The following DENND2C variants were observed in gnomAD, a reference collection of about 807,000 sequenced individuals.
DENND2C encodes the protein DENN domain-containing protein 2C.
A neutral mutation model predicts 112.4 loss-of-function variants in DENND2C; 72 were observed. That is an observed-to-expected ratio of 0.64 (90% CI 0.53 to 0.78). The LOEUF (loss-of-function observed/expected upper bound fraction) is 0.78. Among genes scored for constraint, DENND2C ranks in the 30% least tolerant of loss-of-function variants. The pLI is 0.00. For synonymous variants in DENND2C, 329 were observed against 381.6 expected (o/e 0.86, Z 1.61); for missense variants, 992 against 1,113.8 (o/e 0.89, Z 1.56).
intron 2 of DENND2C, among the ~76,000 whole-genome samples, chr1:114,646,128 C>T (rs1217730795): frequency 2.6e-5 from 4 of 152,010 alleles, no homozygotes; most frequent in African/African-American, 9.7e-5. Context: ...GGGGTTTCAC[C>T]ATGTTAGCCA....
chr1:114,646,431 C>T (rs547903274), intron 2 of DENND2C, among the ~76,000 whole-genome samples: 9 of 152,138 alleles, frequency 5.9e-5, no homozygotes, highest in Non-Finnish European at 1.0e-4. Context: ...AACTAGTGTG[C>T]GATATATTTT....
intron 3 of DENND2C, among the ~76,000 whole-genome samples, chr1:114,631,317 A>G (rs1656482269): frequency 6.6e-6 from 1 of 152,170 alleles, no homozygotes; most frequent in African/African-American, 2.4e-5. Flanking sequence ...AGGAGGTTGC[A>G]GTCAGTCAAG....
At chr1:114,594,635 C>T in intron 17 of DENND2C, 57 bp from the exon 18 acceptor site, 1 of 1,405,330 alleles carries the variant, frequency 7.1e-7, no homozygotes, top group Non-Finnish European at 9.9e-7. Flanking sequence ...GGGATTAAGT[C>T]TCAAATATGC....
rs200978625 is a variant in DENND2C, at chr1:114,623,502, C to T, written c.943+5G>A. ...AAATTTAACTGCAAAGTTGTCAACA[C>T]CTACATATGATATCTTCATAGATAT... On this transcript the variant is annotated splice_donor_5th_base_variant and intron_variant, in intron 5 of 20. Transcript: ENST00000393274. 6.3e-7 allele frequency: 1 copy of T among 1,599,740 alleles called. No individual in the cohort carries two copies. The highest frequency in any genetic ancestry group is 1.3e-5 in the African/African-American group (1 of 74,352).
At position 114,602,727 on chromosome 1, in the gene DENND2C, C is replaced by T. The variant is rs138589235; in HGVS notation, c.1668-533G>A. ...TACAGATGTGTGCCACCATGCCCCA[C>T]TAATCTTTTAATTTTGTGTAGAGAT... On this transcript the variant is annotated intron_variant, in intron 11 of 20. Transcript: ENST00000393274. Among the ~76,000 whole-genome samples, 227 of 152,166 alleles carry T rather than the reference C, an allele frequency of 1.5e-3. 1 individual carries two copies. In the Middle Eastern group the frequency reaches 0.031, roughly 21 times the overall value.
At chr1:114,633,439 CAA>C (rs780884019) in intron 3 of DENND2C, among the ~76,000 whole-genome samples, 7 of 49,210 alleles carry the variant, frequency 1.4e-4, no homozygotes, top group Middle Eastern at 0.012. Context: ...GACCCTATCT[CAA>C]AAAAAAAAAA....
intron 1 of DENND2C, among the ~76,000 whole-genome samples, chr1:114,662,617 T>G (rs906627905): frequency 2.6e-5 from 4 of 151,472 alleles, no homozygotes; most frequent in Non-Finnish European, 4.4e-5. Context: ...TTCACGCCAC[T>G]AACCAGAAGT....
At chr1:114,607,395 T>G (rs1655688398) in intron 10 of DENND2C, among the ~76,000 whole-genome samples, 1 of 152,212 alleles carries the variant, frequency 6.6e-6, no homozygotes, top group Non-Finnish European at 1.5e-5. Flanking sequence ...TTATTAAGCT[T>G]CAACCCATTC....
At chr1:114,663,123 A>C (rs946767760) in intron 1 of DENND2C, among the ~76,000 whole-genome samples, 9 of 152,234 alleles carry the variant, frequency 5.9e-5, no homozygotes, top group Non-Finnish European at 1.2e-4. Context: ...ACTGCTTATA[A>C]AGTGAAGACA....
intron 1 of DENND2C, among the ~76,000 whole-genome samples, chr1:114,666,778 A>C (rs114368733): frequency 0.026 from 4,026 of 152,216 alleles, 95 homozygotes; most frequent in Non-Finnish European, 0.034. Flanking sequence ...TTACTTACCT[A>C]AGTCTGTAAT....
intron 1 of DENND2C, among the ~76,000 whole-genome samples, chr1:114,666,641 G>C (rs2101703377): frequency 6.6e-6 from 1 of 152,198 alleles, no homozygotes; most frequent in African/African-American, 2.4e-5. Context: ...TTTTAGTAGA[G>C]ATGGGGTTTC....
intron 16 of DENND2C, among the ~76,000 whole-genome samples, chr1:114,598,936 G>A (rs1655417855): frequency 3.9e-5 from 6 of 152,164 alleles, no homozygotes; most frequent in Admixed American, 3.9e-4. Flanking sequence ...ACCTGCCTCA[G>A]CCTCCCAAAG....
chr1:114,585,707 C>T (rs1655021591), intron 20 of DENND2C, 76 bp from the exon 21 acceptor site: 2 of 1,458,708 alleles, frequency 1.4e-6, no homozygotes, highest in African/African-American at 2.8e-5. Context: ...AAGGGATTAA[C>T]AGGTCAGTCA....
rs758430262 is a variant in DENND2C at position 114,600,889 on chromosome 1, C to T, written c.1887G>A (p.Met629Ile). ...GTCCAGGAGCTGGGAAAGGAGCTTC[C>T]ATGACACTTCGCATGAATGGGTAAA... is the stretch of plus-strand genomic sequence containing the variant. ...ALVYPFMRSVMEAPFPAPGRT... is the reference protein window; with the variant it reads ...ALVYPFMRSVIEAPFPAPGRT... Residue 629 changes from methionine to isoleucine, a missense_variant, in exon 14 of 21, where the codon ATG (methionine) becomes ATA (isoleucine). Met to Ile is a conservative substitution (Grantham distance 10). Transcript: ENST00000393274. 1 of 1,614,048 alleles carries T rather than the reference C, an allele frequency of 6.2e-7. No individual in the cohort carries two copies. The highest frequency in any genetic ancestry group is 8.5e-7 in the Non-Finnish European group (1 of 1,179,948).
Position 114,622,047 on chromosome 1 carries a change from A to AC in DENND2C, c.1074dup (p.Phe359ValfsTer40), listed in dbSNP as rs747275391. 7 of 1,544,514 alleles carry AC rather than the reference A, an allele frequency of 4.5e-6. No individual in the cohort carries two copies. Among genetic ancestry groups the AC allele is most frequent in the Admixed American group, 2.0e-5 (1 of 49,286 alleles). ...ACTTCCATAGTCTTCCGGTGAAGGAACTGAGGTTTTGGAGGGAGCTAAAAC... is the reference window on the plus strand; with the variant it reads ...ACTTCCATAGTCTTCCGGTGAAGGAACCTGAGGTTTTGGAGGGAGCTAAAAC... On this transcript the variant is annotated frameshift_variant, in exon 7 of 21. Coordinates refer to ENST00000393274, the MANE Select transcript of DENND2C (RefSeq NM_001256404.2). LOFTEE classifies it high-confidence loss of function.
At chr1:114,645,712 G>A (rs1570803317) in intron 2 of DENND2C, among the ~76,000 whole-genome samples, 153 bp from the exon 3 acceptor site, 2 of 152,252 alleles carry the variant, frequency 1.3e-5, no homozygotes, top group South Asian at 4.1e-4. Flanking sequence ...AATTTGACTA[G>A]TAAATTTTCA....
At chr1:114,600,710 T>A in intron 14 of DENND2C, 110 bp downstream of exon 14, 1 of 1,341,310 alleles carries the variant, frequency 7.5e-7, no homozygotes, top group Non-Finnish European at 1.0e-6. Flanking sequence ...AACATATTCT[T>A]TACAGTTTAT....
At chr1:114,588,835 TTC>T (rs1338926354) in intron 18 of DENND2C, among the ~76,000 whole-genome samples, 1 of 152,172 alleles carries the variant, frequency 6.6e-6, no homozygotes, top group Non-Finnish European at 1.5e-5. Flanking sequence ...GCTCAAGCAA[TTC>T]TCCCACCTCA....
At chr1:114,614,738 C>T (rs754056831) in intron 8 of DENND2C, among the ~76,000 whole-genome samples, 25 of 152,212 alleles carry the variant, frequency 1.6e-4, no homozygotes, top group Admixed American at 3.3e-4. Flanking sequence ...AATACCTGGG[C>T]GCAGTGGCTC....
Sources: gnomAD v4.1 joint callset for allele counts (sites outside exome capture counted in the v4.1 genomes callset) on GRCh38, gnomAD v4.1.1 for gene constraint, MANE v1.5 for transcripts, NCBI Gene and HGNC (gene_info 2026-07-23, HGNC 2026-07-21) for gene names.